The following SLC6A6 variants were observed in gnomAD, a reference collection of about 807,000 sequenced individuals.
The protein encoded by SLC6A6 is solute carrier family 6 member 6.
A neutral mutation model predicts 68.8 loss-of-function variants in SLC6A6; 16 were observed. The observed-to-expected ratio is 0.23, with a 90% CI of 0.16 to 0.35. SLC6A6 has a LOEUF of 0.35. Among genes scored for constraint, SLC6A6 ranks in the 10% least tolerant of loss-of-function variants. The pLI is 1.00. For missense variants in SLC6A6, 474 were observed against 802.8 expected (o/e 0.59, Z 4.95); for synonymous variants, 312 against 315.4 (o/e 0.99, Z 0.12).
At chr3:14,451,493 G>A (rs2124957716) in intron 5 of SLC6A6, among the ~76,000 whole-genome samples, 1 of 152,366 alleles carries the variant, frequency 6.6e-6, no homozygotes, top group Middle Eastern at 3.4e-3. Flanking sequence ...GCACGGGTGA[G>A]GGCCAGGTAG....
At chr3:14,422,723 TC>T (rs1699511593) in intron 2 of SLC6A6, among the ~76,000 whole-genome samples, 2 of 152,218 alleles carry the variant, frequency 1.3e-5, no homozygotes, top group East Asian at 3.9e-4. Context: ...GGCTCCCACC[TC>T]CAAATCCCTA....
intron 2 of SLC6A6, among the ~76,000 whole-genome samples, chr3:14,419,119 G>T (rs1044066199): frequency 6.6e-6 from 1 of 152,234 alleles, no homozygotes; most frequent in African/African-American, 2.4e-5. Flanking sequence ...TCCTCTTTTT[G>T]AGGCTTGCTG....
chr3:14,430,753 G>A (rs1360933195), intron 2 of SLC6A6, among the ~76,000 whole-genome samples: 1 of 152,260 alleles, frequency 6.6e-6, no homozygotes, highest in African/African-American at 2.4e-5. Flanking sequence ...ATCCCACCAA[G>A]TTGGGGTTGT....
intron 2 of SLC6A6, among the ~76,000 whole-genome samples, chr3:14,427,295 C>T (rs556866138): frequency 9.8e-5 from 15 of 152,306 alleles, no homozygotes; most frequent in African/African-American, 3.4e-4. Context: ...GGGCACCTGG[C>T]CCTGTCCTGA....
At chr3:14,410,786 C>G (rs1278106886) in intron 1 of SLC6A6, among the ~76,000 whole-genome samples, 1 of 152,250 alleles carries the variant, frequency 6.6e-6, no homozygotes, top group Non-Finnish European at 1.5e-5. Context: ...AAGTGACTCA[C>G]TGTCATGTTC....
At chr3:14,424,172 G>A (rs1211856207) in intron 2 of SLC6A6, among the ~76,000 whole-genome samples, 1 of 152,140 alleles carries the variant, frequency 6.6e-6, no homozygotes. Context: ...ATTGAGAATT[G>A]AAAGTCTGAT....
At chr3:14,403,956 G>A (rs1025406639) in intron 1 of SLC6A6, among the ~76,000 whole-genome samples, 3 of 152,202 alleles carry the variant, frequency 2.0e-5, no homozygotes, top group Admixed American at 1.3e-4. Context: ...GCCAGATCCC[G>A]GCATCCCCAG....
At chr3:14,470,160 T>A (rs1428741224) in intron 9 of SLC6A6, among the ~76,000 whole-genome samples, 1 of 152,202 alleles carries the variant, frequency 6.6e-6, no homozygotes, top group Non-Finnish European at 1.5e-5. Context: ...ACATACAATG[T>A]ATCTTCCTCC....
chr3:14,454,271 C>T (rs1212209849), intron 5 of SLC6A6, among the ~76,000 whole-genome samples: 2 of 124,564 alleles, frequency 1.6e-5, no homozygotes, highest in Non-Finnish European at 3.5e-5. Flanking sequence ...GGGGCCTGGA[C>T]AGGGGCAGAG....
At chr3:14,447,517 G>C (rs1415282156) in intron 4 of SLC6A6, 65 bp from the exon 5 acceptor site, 27 of 1,590,364 alleles carry the variant, frequency 1.7e-5, no homozygotes, top group Non-Finnish European at 2.1e-5. Context: ...TTCCAGTTGA[G>C]TATGTGGCCG....
chr3:14,405,751 C>T (rs986783502), intron 1 of SLC6A6, among the ~76,000 whole-genome samples: 18 of 152,186 alleles, frequency 1.2e-4, no homozygotes, highest in East Asian at 5.8e-4. Flanking sequence ...AGAATGAGAG[C>T]GCTTTTTTAA....
chr3:14,481,047 T>C lies in SLC6A6; in HGVS notation c.1552-624T>C, dbSNP rs1345836492. 2.0e-5 allele frequency among the ~76,000 whole-genome samples: 3 copies of C among 152,216 alleles called. No homozygotes were observed. The highest frequency in any genetic ancestry group is 4.4e-5 in the Non-Finnish European group (3 of 68,040). ...CTTTCATCTACGCTGCTAGCACTTA[T>C]GGTGCACTTGTTGTATGTACCTGGA... On this transcript the variant is annotated intron_variant, in intron 13 of 14. Coordinates refer to ENST00000622186, the MANE Select transcript of SLC6A6 (RefSeq NM_003043.6). This position sits in a 1 kb window ranked among gnomAD's most constrained non-coding sequence, Gnocchi z 4.7.
intron 5 of SLC6A6, among the ~76,000 whole-genome samples, chr3:14,457,192 G>A (rs558642210): frequency 5.3e-5 from 8 of 152,074 alleles, no homozygotes; most frequent in Non-Finnish European, 1.0e-4. Context: ...ACGCTCTGCC[G>A]TGTCATCCTG....
intron 2 of SLC6A6, among the ~76,000 whole-genome samples, chr3:14,443,248 T>C (rs1436335113): frequency 6.6e-6 from 1 of 152,226 alleles, no homozygotes; most frequent in African/African-American, 2.4e-5. Flanking sequence ...ATTTGGCAGA[T>C]GCCTAGAACT....
chr3:14,424,089 A>C lies in SLC6A6; in HGVS notation c.-12+7636A>C, dbSNP rs561700146. Among the ~76,000 whole-genome samples, 8 of 152,314 alleles carry C rather than the reference A, an allele frequency of 5.3e-5. No individual in the cohort carries two copies. In the South Asian group the frequency reaches 1.7e-3, roughly 32 times the overall value. On this transcript the variant is annotated intron_variant, in intron 2 of 14. Coordinates refer to ENST00000622186, the MANE Select transcript of SLC6A6 (RefSeq NM_003043.6). Reference sequence around the variant, plus strand: ...TTTCAAACCCCTGCCAGCTCTGCCTAGTACTGGAAAGGCCCCAGCAAGAGT... The same window carrying C: ...TTTCAAACCCCTGCCAGCTCTGCCTCGTACTGGAAAGGCCCCAGCAAGAGT...
chr3:14,434,763 TC>T (rs1225235758), intron 2 of SLC6A6, among the ~76,000 whole-genome samples: 1 of 152,124 alleles, frequency 6.6e-6, no homozygotes, highest in African/African-American at 2.4e-5. Flanking sequence ...TCTCAGGCCA[TC>T]CTGCCACCGG....
chr3:14,433,004 A>G (rs997023753), intron 2 of SLC6A6, among the ~76,000 whole-genome samples: 1 of 152,184 alleles, frequency 6.6e-6, no homozygotes, highest in African/African-American at 2.4e-5. Flanking sequence ...CAGACACGGA[A>G]CCTTGTCCTT....
intron 2 of SLC6A6, among the ~76,000 whole-genome samples, chr3:14,423,730 T>C (rs888851921): frequency 7.2e-5 from 11 of 152,176 alleles, no homozygotes; most frequent in African/African-American, 2.7e-4. Context: ...TGATAACTAC[T>C]GGGTTAGCAA....
intron 4 of SLC6A6, 34 bp downstream of exon 4, chr3:14,445,885 C>A: frequency 6.2e-7 from 1 of 1,610,708 alleles, no homozygotes; most frequent in South Asian, 1.1e-5. Context: ...TGGGGCCTGG[C>A]ACTCATCAGT....
Sources: allele counts gnomAD v4.1 joint callset (sites outside exome capture counted in the v4.1 genomes callset), GRCh38; gene constraint gnomAD v4.1.1; non-coding constraint Gnocchi (gnomAD v3.1); transcripts MANE v1.5; gene names NCBI Gene and HGNC (gene_info 2026-07-23, HGNC 2026-07-21).